Variants in TGFBR3 observed in about 807,000 individuals in gnomAD.
The protein encoded by TGFBR3 is transforming growth factor beta receptor type 3.
A neutral mutation model predicts 87.9 loss-of-function variants in TGFBR3; 46 were observed. The observed-to-expected ratio is 0.52, with a 90% CI of 0.41 to 0.67. The LOEUF is 0.67. TGFBR3 is among the 30% of genes least tolerant of loss of function. The pLI is 0.00. For synonymous variants in TGFBR3, 381 were observed against 391.6 expected, an observed-to-expected ratio of 0.97 and a Z score of 0.32; for missense variants, 866 against 1,041.9, an observed-to-expected ratio of 0.83 and a Z score of 2.32.
chr1:91,749,208 A>T (rs1296130926), intron 4 of TGFBR3, among the ~76,000 whole-genome samples: 1 of 152,192 alleles, frequency 6.6e-6, no homozygotes, highest in African/African-American at 2.4e-5. Flanking sequence ...AACCAATAGA[A>T]TCTCAAGAAC....
chr1:91,761,463 G>T (rs1212663609), intron 3 of TGFBR3, among the ~76,000 whole-genome samples: 1 of 152,158 alleles, frequency 6.6e-6, no homozygotes, highest in Non-Finnish European at 1.5e-5. Flanking sequence ...AAGCCATTTG[G>T]CAAAGAAGAA....
chr1:91,750,502 AT>A (rs1475956946), intron 4 of TGFBR3, among the ~76,000 whole-genome samples: 1 of 152,166 alleles, frequency 6.6e-6, no homozygotes, highest in African/African-American at 2.4e-5. Flanking sequence ...GACCCATATA[AT>A]TAAGGCCCTT....
At chr1:91,784,611 G>T (rs998860291) in intron 3 of TGFBR3, among the ~76,000 whole-genome samples, 9 of 152,322 alleles carry the variant, frequency 5.9e-5, no homozygotes, top group Non-Finnish European at 7.3e-5. Flanking sequence ...TCAGGCAAGG[G>T]TTTGGTGAAG....
chr1:91,744,957 A>G lies in TGFBR3; in HGVS notation c.385-9998T>C, dbSNP rs370542818. Among the ~76,000 whole-genome samples the G allele has an allele frequency of 2.0e-5, 3 of 152,268 alleles. No homozygotes were observed. In the South Asian group the frequency reaches 6.2e-4, roughly 32 times the overall value. Reference sequence around the variant, plus strand: ...AGAGAAACCATAGCTCCCCAATGATAATGAAAAAGCCTGTTGAGATCTCAG... The same window carrying G: ...AGAGAAACCATAGCTCCCCAATGATGATGAAAAAGCCTGTTGAGATCTCAG... On this transcript the variant is annotated intron_variant, in intron 4 of 16. Transcript: ENST00000212355.
chr1:91,805,066 T>C (rs1675779843), intron 2 of TGFBR3, among the ~76,000 whole-genome samples: 1 of 152,184 alleles, frequency 6.6e-6, no homozygotes, highest in Non-Finnish European at 1.5e-5. Flanking sequence ...AGATACTTCA[T>C]CCAAAGCCTC....
At position 91,720,201 on chromosome 1, in the gene TGFBR3, T is replaced by C; in HGVS notation, c.1105A>G (p.Thr369Ala). The C allele has an allele frequency of 6.2e-7, 1 of 1,608,416 alleles. No homozygotes were observed. Among genetic ancestry groups the C allele is most frequent in the Non-Finnish European group, 8.5e-7 (1 of 1,177,040 alleles). The change falls in exon 9 of 17, where the codon ACT (threonine) becomes GCT (alanine). Residue 369 changes from threonine (T) to alanine (A), a missense_variant. Coordinates refer to ENST00000212355, the MANE Select transcript of TGFBR3 (RefSeq NM_003243.5). ...AEEMGDEEVHTIPPELRILLD... is the reference protein window; with the variant it reads ...AEEMGDEEVHAIPPELRILLD... Reference sequence around the variant, plus strand: ...AGGATCCGTAGCTCAGGAGGAATAGTGTGGACTTCCTCATCTCCCATCTCC... The same window carrying C: ...AGGATCCGTAGCTCAGGAGGAATAGCGTGGACTTCCTCATCTCCCATCTCC...
At chr1:91,733,636 G>A (rs889699341) in intron 5 of TGFBR3, among the ~76,000 whole-genome samples, 5 of 152,134 alleles carry the variant, frequency 3.3e-5, no homozygotes, top group African/African-American at 1.2e-4. Context: ...GACCTTAAAC[G>A]CAGTGTTCAC....
intron 2 of TGFBR3, among the ~76,000 whole-genome samples, chr1:91,850,641 TGTG>T (rs1242600831): frequency 6.6e-6 from 1 of 151,988 alleles, no homozygotes; most frequent in Non-Finnish European, 1.5e-5. Context: ...ATTAGCCAGG[TGTG>T]GTGCCACGTG....
At chr1:91,704,514 G>T (rs182261372) in intron 14 of TGFBR3, among the ~76,000 whole-genome samples, 1 of 152,246 alleles carries the variant, frequency 6.6e-6, no homozygotes, top group East Asian at 1.9e-4. Context: ...TTGAATCCCA[G>T]ATCCACCATT....
Position 91,853,810 on chromosome 1 carries a change from G to A in TGFBR3, c.61+7661C>T, listed in dbSNP as rs187460415. 3.0e-3 allele frequency among the ~76,000 whole-genome samples: 456 copies of A among 152,270 alleles called. 2 individuals carry two copies. Among genetic ancestry groups the A allele is most frequent in the African/African-American group, 0.011 (444 of 41,560 alleles). ...GGGCAGATCACAAGGTCAGGAGTTC[G>A]AGACCAGCGTGGCCAATATGGTGAA... On this transcript the variant is annotated intron_variant, in intron 2 of 16. Transcript: ENST00000212355.
At chr1:91,721,919 G>A (rs1278129458) in intron 8 of TGFBR3, 36 bp downstream of exon 8, 1 of 1,589,626 alleles carries the variant, frequency 6.3e-7, no homozygotes, top group Admixed American at 1.7e-5. Flanking sequence ...CATTTGGGGG[G>A]TATTTTTTAC....
intron 2 of TGFBR3, among the ~76,000 whole-genome samples, chr1:91,822,917 T>G (rs1676504831): frequency 6.6e-6 from 1 of 152,208 alleles, no homozygotes; most frequent in South Asian, 2.1e-4. Context: ...CAGAACTAGA[T>G]AGACCCTGTC....
intron 2 of TGFBR3, among the ~76,000 whole-genome samples, chr1:91,816,355 G>C (rs575352465): frequency 1.3e-5 from 2 of 152,152 alleles, no homozygotes; most frequent in Non-Finnish European, 2.9e-5. Context: ...GAAAACATTT[G>C]ACAAAGATTA....
intron 3 of TGFBR3, among the ~76,000 whole-genome samples, chr1:91,768,209 T>A (rs1466291602): frequency 8.1e-5 from 8 of 99,220 alleles, no homozygotes; most frequent in Non-Finnish European, 2.2e-5. Flanking sequence ...CGAAACTCCA[T>A]CTCAAAAAAA....
intron 1 of TGFBR3, among the ~76,000 whole-genome samples, chr1:91,864,614 A>C (rs1678318248): frequency 6.6e-6 from 1 of 152,212 alleles, no homozygotes; most frequent in Non-Finnish European, 1.5e-5. Flanking sequence ...AAAGATTCCC[A>C]AGGCAGAGGA....
chr1:91,847,688 G>A (rs1478476084), intron 2 of TGFBR3, among the ~76,000 whole-genome samples: 3 of 151,600 alleles, frequency 2.0e-5, no homozygotes, highest in East Asian at 1.9e-4. Flanking sequence ...GCAGAAATGA[G>A]GTATACCCAA....
At chr1:91,761,585 C>T (rs1250010176) in intron 3 of TGFBR3, among the ~76,000 whole-genome samples, 1 of 152,148 alleles carries the variant, frequency 6.6e-6, no homozygotes, top group Non-Finnish European at 1.5e-5. Context: ...CCCTCAGCAA[C>T]CTGTCTTTTC....
intron 2 of TGFBR3, among the ~76,000 whole-genome samples, chr1:91,815,273 G>C (rs1051790500): frequency 4.1e-5 from 5 of 122,482 alleles, no homozygotes; most frequent in Non-Finnish European, 8.7e-5. Context: ...CTGCACTCCA[G>C]CCTGGGTGAC....
At chr1:91,724,359 G>A (rs1050976619) in intron 7 of TGFBR3, among the ~76,000 whole-genome samples, 29 of 152,206 alleles carry the variant, frequency 1.9e-4, no homozygotes, top group African/African-American at 6.5e-4. Context: ...GCCTTTTAGA[G>A]CTACATGTCA....
Sources: gnomAD v4.1 joint callset for allele counts (sites outside exome capture counted in the v4.1 genomes callset) on GRCh38, gnomAD v4.1.1 for gene constraint, MANE v1.5 for transcripts, NCBI Gene and HGNC (gene_info 2026-07-23, HGNC 2026-07-21) for gene names.